GMDS: variants seen among roughly 807,000 people sequenced by gnomAD.
GMDS encodes GDP-mannose 4,6-dehydratase, also known as GDP-mannose 4,6 dehydratase.
GMDS carries 20 observed loss-of-function variants against 49.9 expected under a neutral mutation model. The ratio of observed to expected loss-of-function variants is 0.40; its 90% CI spans 0.28 to 0.58. The LOEUF is 0.58. GMDS is among the 20% of genes least tolerant of loss of function. The pLI is 0.42. For synonymous variants in GMDS, 177 were observed against 178.6 expected (o/e 0.99, Z 0.07); for missense variants, 362 against 481.4 (o/e 0.75, Z 2.32).
intron 7 of GMDS, among the ~76,000 whole-genome samples, chr6:1,835,821 C>T (rs1293935960): frequency 6.6e-6 from 1 of 152,020 alleles, no homozygotes; most frequent in East Asian, 1.9e-4. Context: ...ATTTAATGTT[C>T]ATGGGAGTCA....
chr6:2,051,893 C>T (rs1770418599), intron 4 of GMDS, among the ~76,000 whole-genome samples: 1 of 151,880 alleles, frequency 6.6e-6, no homozygotes. Context: ...CCTAGGCGGG[C>T]AGATCACGAG....
chr6:1,962,663 T>G (rs1351705977), intron 4 of GMDS, among the ~76,000 whole-genome samples: 2 of 152,324 alleles, frequency 1.3e-5, no homozygotes, highest in Middle Eastern at 3.4e-3. Flanking sequence ...CATATGCTTA[T>G]CAGCCATTTG....
intron 4 of GMDS, among the ~76,000 whole-genome samples, chr6:2,097,379 C>T (rs1474343922): frequency 6.6e-6 from 1 of 151,488 alleles, no homozygotes; most frequent in Admixed American, 6.6e-5. Context: ...GCGGGGGTGG[C>T]TAAAAGGAGG....
chr6:1,940,048 C>G (rs1267777398), intron 6 of GMDS, among the ~76,000 whole-genome samples: 1 of 152,204 alleles, frequency 6.6e-6, no homozygotes, highest in Admixed American at 6.5e-5. Context: ...AGGAGGTTCA[C>G]TAAGTCCTAC....
chr6:2,117,419 A>G lies in GMDS; in HGVS notation c.235+50T>C, dbSNP rs538141051. 51 of 1,062,248 alleles carry G rather than the reference A, an allele frequency of 4.8e-5. No homozygotes were observed. In the East Asian group the frequency reaches 7.8e-4, roughly 16 times the overall value. The allele number at this position is 1,062,248 out of a possible 1,614,324, so 65.8% of individuals were successfully genotyped here. ...AAACACCTTATCTGAACATAGGAAC[A>G]TCTGAAAACACCTTATAGAAAGAGA... is the stretch of plus-strand genomic sequence containing the variant. On this transcript the variant is annotated intron_variant, in intron 3 of 10. Coordinates refer to ENST00000380815, the MANE Select transcript of GMDS (RefSeq NM_001500.4).
At chr6:2,227,377 C>A (rs1780863202) in intron 1 of GMDS, among the ~76,000 whole-genome samples, 2 of 152,162 alleles carry the variant, frequency 1.3e-5, no homozygotes, top group South Asian at 4.1e-4. Flanking sequence ...AGTTATTCAA[C>A]CTGCCCAAGT....
chr6:1,830,705 T>G (rs1013769854), intron 7 of GMDS, among the ~76,000 whole-genome samples: 1 of 152,220 alleles, frequency 6.6e-6, no homozygotes, highest in African/African-American at 2.4e-5. Context: ...CTGGCACCTG[T>G]TCAGAAATCT....
chr6:1,668,805 C>T (rs896019626), intron 9 of GMDS, among the ~76,000 whole-genome samples: 2 of 152,102 alleles, frequency 1.3e-5, no homozygotes, highest in Admixed American at 6.5e-5. Flanking sequence ...AACAATGCTA[C>T]GAATTTAGAA....
chr6:1,746,999 C>A (rs1386956437), intron 7 of GMDS, among the ~76,000 whole-genome samples: 1 of 152,102 alleles, frequency 6.6e-6, no homozygotes, highest in Non-Finnish European at 1.5e-5. Context: ...CGCTCCCAGC[C>A]TACAAAACTT....
chr6:2,063,327 G>C (rs1228434134), intron 4 of GMDS, among the ~76,000 whole-genome samples: 2 of 152,100 alleles, frequency 1.3e-5, no homozygotes, highest in Non-Finnish European at 2.9e-5. Context: ...AATTTCTTAA[G>C]GAATTCATTT....
intron 1 of GMDS, among the ~76,000 whole-genome samples, chr6:2,127,655 A>G (rs1775523007): frequency 6.6e-6 from 1 of 152,164 alleles, no homozygotes; most frequent in African/African-American, 2.4e-5. Context: ...GGGCCGCACA[A>G]TGAGTGGGAA....
intron 4 of GMDS, among the ~76,000 whole-genome samples, chr6:2,068,486 G>C (rs560501788): frequency 0.018 from 2,722 of 152,268 alleles, 39 homozygotes; most frequent in Non-Finnish European, 0.029. Flanking sequence ...GGCCCTGTTT[G>C]CAGATGACAT....
chr6:1,955,995 C>T (rs1342475008), intron 6 of GMDS, among the ~76,000 whole-genome samples: 1 of 152,174 alleles, frequency 6.6e-6, no homozygotes, highest in Non-Finnish European at 1.5e-5. Context: ...CTTTGGAGCA[C>T]TTGGTTACCT....
chr6:2,230,000 G>A (rs1781005029), intron 1 of GMDS, among the ~76,000 whole-genome samples: 2 of 150,810 alleles, frequency 1.3e-5, no homozygotes, highest in Non-Finnish European at 1.5e-5. Flanking sequence ...CAGGCTTTGC[G>A]AGACTCCTCT....
chr6:1,729,871 G>A (rs1766728570), intron 8 of GMDS, among the ~76,000 whole-genome samples: 1 of 152,188 alleles, frequency 6.6e-6, no homozygotes, highest in East Asian at 1.9e-4. Flanking sequence ...AGGACAATAA[G>A]GCAAGACAAA....
chr6:1,783,825 A>C (rs1272929841), intron 7 of GMDS, among the ~76,000 whole-genome samples: 1 of 152,204 alleles, frequency 6.6e-6, no homozygotes, highest in Non-Finnish European at 1.5e-5. Flanking sequence ...ACACATACTA[A>C]AAGGCCATGA....
intron 6 of GMDS, among the ~76,000 whole-genome samples, chr6:1,937,138 G>T (rs1490913199): frequency 6.6e-6 from 1 of 152,110 alleles, no homozygotes; most frequent in Non-Finnish European, 1.5e-5. Flanking sequence ...GCCTAGCAGC[G>T]ATAGGTGTGC....
intron 9 of GMDS, among the ~76,000 whole-genome samples, chr6:1,634,900 G>A (rs891237169): frequency 6.6e-6 from 1 of 152,158 alleles, no homozygotes; most frequent in African/African-American, 2.4e-5. Flanking sequence ...GCCTCCCTGG[G>A]GTTGGAGGCG....
chr6:1,685,037 C>T (rs374494581), intron 9 of GMDS, among the ~76,000 whole-genome samples: 32 of 150,030 alleles, frequency 2.1e-4, no homozygotes, highest in African/African-American at 7.3e-4. Flanking sequence ...TAACTACTTA[C>T]CCACCTTAAA....
Sources: gnomAD v4.1 joint callset for allele counts (sites outside exome capture counted in the v4.1 genomes callset) on GRCh38, gnomAD v4.1.1 for gene constraint, MANE v1.5 for transcripts, NCBI Gene and HGNC (gene_info 2026-07-23, HGNC 2026-07-21) for gene names.